Variants in ME3 observed in about 807,000 individuals in gnomAD.
The protein encoded by ME3 is malic enzyme 3.
Under a neutral mutation model 68.9 loss-of-function variants are expected in ME3, and 48 were observed. The observed-to-expected ratio is 0.70, with a 90% CI of 0.55 to 0.89. The LOEUF is 0.89. Ranked by LOEUF, ME3 falls within the 40% of genes least tolerant of loss-of-function variation. The pLI, the probability that ME3 is intolerant of heterozygous loss-of-function variation, is 0.00. For missense variants in ME3, 675 were observed against 797.4 expected (o/e 0.85, Z 1.85); for synonymous variants, 320 against 318.8 (o/e 1.00, Z -0.04).
At chr11:86,590,255 A>G (rs945072062) in intron 2 of ME3, among the ~76,000 whole-genome samples, 4 of 152,214 alleles carry the variant, frequency 2.6e-5, no homozygotes, top group Non-Finnish European at 4.4e-5. Flanking sequence ...TCTACTCAGC[A>G]TCTACTATGT....
At chr11:86,527,306 G>C (rs1018676827) in intron 4 of ME3, among the ~76,000 whole-genome samples, 3 of 152,124 alleles carry the variant, frequency 2.0e-5, no homozygotes, top group African/African-American at 7.2e-5. Context: ...GAGAAGAGAA[G>C]TTTAGAGAAA....
chr11:86,568,312 C>A (rs1957597944), intron 2 of ME3, among the ~76,000 whole-genome samples: 1 of 152,146 alleles, frequency 6.6e-6, no homozygotes. Context: ...TCCCAGGGAA[C>A]CTTTGGATCT....
downstream of ME3, among the ~76,000 whole-genome samples, chr11:86,439,742 G>T (rs1009557685): frequency 6.6e-6 from 1 of 152,170 alleles, no homozygotes; most frequent in Non-Finnish European, 1.5e-5. Flanking sequence ...TCTTTTCAAA[G>T]AACCTATTTT....
At chr11:86,521,431 A>AAAATAATAATAATAATAAT (rs1271326906) in intron 4 of ME3, among the ~76,000 whole-genome samples, 1,778 of 145,730 alleles carry the variant, frequency 0.012, 13 homozygotes, top group Middle Eastern at 0.021. Flanking sequence ...AACAAAACAA[A>AAAATAATAATAATAATAAT]AATAATAATA....
Position 86,446,496 on chromosome 11 carries a change from A to G in ME3, c.1381-9T>C, listed in dbSNP as rs779770291. 6.2e-6 allele frequency: 10 copies of G among 1,614,058 alleles called. No homozygotes were observed. The highest frequency in any genetic ancestry group is 8.5e-6 in the Non-Finnish European group (10 of 1,179,920). The stretch of plus-strand genomic sequence containing the variant: ...GCAAAAATCCCTCGGCCCTGGAGGC[A>G]GGAAGAAAACCAGAGATGAACTTGG... On this transcript the variant is annotated splice_polypyrimidine_tract_variant and intron_variant, in intron 12 of 14. Transcript: ENST00000543262.
chr11:86,582,483 C>T (rs886633489), intron 2 of ME3, among the ~76,000 whole-genome samples: 1 of 152,090 alleles, frequency 6.6e-6, no homozygotes, highest in African/African-American at 2.4e-5. Flanking sequence ...TGTACAAATG[C>T]TAATCCTTAA....
intron 4 of ME3, among the ~76,000 whole-genome samples, chr11:86,551,167 A>G (rs1422645833): frequency 6.6e-6 from 1 of 152,146 alleles, no homozygotes; most frequent in East Asian, 1.9e-4. Context: ...TGAAAAAGTA[A>G]TACCCCTCCT....
chr11:86,484,033 C>T (rs1217994037), intron 7 of ME3, among the ~76,000 whole-genome samples: 3 of 152,182 alleles, frequency 2.0e-5, no homozygotes, highest in African/African-American at 7.2e-5. Context: ...GAGAAGGACA[C>T]TCCCAGCTGT....
chr11:86,488,221 A>G (rs890851434), intron 6 of ME3, among the ~76,000 whole-genome samples: 1 of 152,168 alleles, frequency 6.6e-6, no homozygotes, highest in African/African-American at 2.4e-5. Flanking sequence ...GACATTGCCA[A>G]AGGTCTTCTT....
chr11:86,602,518 G>A (rs1285085290), intron 2 of ME3, among the ~76,000 whole-genome samples: 1 of 152,012 alleles, frequency 6.6e-6, no homozygotes, highest in Admixed American at 6.6e-5. Flanking sequence ...TCGTGAAAAT[G>A]GCCATACTGC....
At chr11:86,490,467 C>G (rs78210293) in intron 6 of ME3, among the ~76,000 whole-genome samples, 1 of 152,208 alleles carries the variant, frequency 6.6e-6, no homozygotes, top group African/African-American at 2.4e-5. Context: ...TCAAAGGTCA[C>G]TTAGAAGCAT....
chr11:86,597,774 A>G (rs941874815), intron 2 of ME3, among the ~76,000 whole-genome samples: 1 of 151,834 alleles, frequency 6.6e-6, no homozygotes, highest in Non-Finnish European at 1.5e-5. Context: ...ATGTGACCAA[A>G]GTGGTTGGGG....
intron 2 of ME3, among the ~76,000 whole-genome samples, chr11:86,647,150 G>T (rs927891345): frequency 6.6e-6 from 1 of 152,086 alleles, no homozygotes; most frequent in Non-Finnish European, 1.5e-5. Context: ...CAACTAATGG[G>T]CAAAATAACC....
At chr11:86,552,516 C>A (rs183919216) in intron 4 of ME3, among the ~76,000 whole-genome samples, 1 of 152,154 alleles carries the variant, frequency 6.6e-6, no homozygotes, top group African/African-American at 2.4e-5. Flanking sequence ...GACCCTGGTC[C>A]GCCTTCAGCA....
At chr11:86,564,393 C>A (rs1328070008) in intron 2 of ME3, among the ~76,000 whole-genome samples, 1 of 148,434 alleles carries the variant, frequency 6.7e-6, no homozygotes, top group Non-Finnish European at 1.5e-5. Context: ...CATGGACTAG[C>A]AAGGGACCCC....
intron 2 of ME3, among the ~76,000 whole-genome samples, chr11:86,664,361 A>G (rs2135505022): frequency 6.6e-6 from 1 of 152,376 alleles, no homozygotes; most frequent in East Asian, 1.9e-4. Context: ...ATTTGAATTA[A>G]GCATTCATTA....
chr11:86,651,773 G>T (rs1028737919), intron 2 of ME3, among the ~76,000 whole-genome samples: 1 of 152,194 alleles, frequency 6.6e-6, no homozygotes, highest in Non-Finnish European at 1.5e-5. Flanking sequence ...GAGAGGAGAA[G>T]GCTTCAGATG....
At chr11:86,650,361 G>T (rs556914564) in intron 2 of ME3, among the ~76,000 whole-genome samples, 1 of 152,242 alleles carries the variant, frequency 6.6e-6, no homozygotes, top group Admixed American at 6.5e-5. Context: ...AACCCTAGAA[G>T]AAAACCTAGG....
chr11:86,441,587 G>T, intron 14 of ME3, 147 bp from the exon 15 acceptor site: 1 of 762,020 alleles, frequency 1.3e-6, no homozygotes, highest in Non-Finnish European at 2.0e-6. Context: ...CAACTGGATA[G>T]GAAGGATTTT....
Sources: allele counts gnomAD v4.1 joint callset (sites outside exome capture counted in the v4.1 genomes callset), GRCh38; gene constraint gnomAD v4.1.1; transcripts MANE v1.5; gene names NCBI Gene and HGNC (gene_info 2026-07-23, HGNC 2026-07-21).